Variants in RSPO2 observed in about 807,000 individuals in gnomAD.
RSPO2 encodes R-spondin 2, also known as R-spondin-2.
Under a neutral mutation model 30.9 loss-of-function variants are expected in RSPO2, and 14 were observed. That is an observed-to-expected ratio of 0.45 (90% CI 0.30 to 0.71). The LOEUF (loss-of-function observed/expected upper bound fraction) is 0.71, where lower values mean the gene tolerates loss of function less well. RSPO2 is among the 30% of genes least tolerant of loss of function. The probability of loss-of-function intolerance (pLI) is 0.08; values close to 1 mark genes in which losing one functional copy is unlikely to be tolerated. For missense variants in RSPO2, 264 were observed against 301.9 expected (o/e 0.87, Z 0.93); for synonymous variants, 107 against 96.4 (o/e 1.11, Z -0.64).
intron 5 of RSPO2, among the ~76,000 whole-genome samples, chr8:107,930,276 C>G (rs1812512410): frequency 6.6e-6 from 1 of 152,150 alleles, no homozygotes; most frequent in African/African-American, 2.4e-5. Context: ...TTACGAACCC[C>G]AAAGATTTCA....
rs948771132 is a variant in RSPO2 at position 107,960,688 on chromosome 8, G to A, written c.413C>T (p.Thr138Ile). 3 of 1,610,598 alleles carry A rather than the reference G, an allele frequency of 1.9e-6. No homozygotes were observed. Among genetic ancestry groups the A allele is most frequent in the Non-Finnish European group, 2.5e-6 (3 of 1,179,166 alleles). The change falls in exon 4 of 6, where the codon ACC becomes ATC. Residue 138 changes from threonine to isoleucine, a missense_variant. By Grantham distance (89) the Thr-to-Ile change is moderately conservative. Coordinates refer to ENST00000276659, the MANE Select transcript of RSPO2 (RefSeq NM_178565.5). ...AAACTACTCACCCACACATTCCATGGTTTCTTCTAATGGTGCAAAACCATC... is the reference window on the plus strand; with the variant it reads ...AAACTACTCACCCACACATTCCATGATTTCTTCTAATGGTGCAAAACCATC... ...CPDGFAPLEE[T>I]MECVEGCEVG...
Position 107,986,862 on chromosome 8 carries a change from T to A in RSPO2, c.283+2194A>T, listed in dbSNP as rs1255366959. Among the ~76,000 whole-genome samples, 3 of 152,334 alleles carry A rather than the reference T, an allele frequency of 2.0e-5. No individual in the cohort carries two copies. The East Asian group carries it at 5.8e-4, about 29-fold the overall frequency. ...TCTAAAGAAATCTGAACAGGAATCCTTTCCAAGGTGGAACATATCTTCCTC... is the reference window on the plus strand; with the variant it reads ...TCTAAAGAAATCTGAACAGGAATCCATTCCAAGGTGGAACATATCTTCCTC... On this transcript the variant is annotated intron_variant, in intron 3 of 5. Coordinates refer to ENST00000276659, the MANE Select transcript of RSPO2 (RefSeq NM_178565.5).
intron 2 of RSPO2, among the ~76,000 whole-genome samples, chr8:108,022,112 G>A (rs192941735): frequency 5.5e-4 from 84 of 152,156 alleles, no homozygotes; most frequent in African/African-American, 2.0e-3. Context: ...TCCAGTATGT[G>A]CTTTAGGTGG....
chr8:108,066,560 T>A (rs1346245883), intron 2 of RSPO2, among the ~76,000 whole-genome samples: 1 of 152,168 alleles, frequency 6.6e-6, no homozygotes, highest in African/African-American at 2.4e-5. Context: ...AGCACTTTAT[T>A]CACTTACATG....
chr8:108,009,202 CT>C, intron 2 of RSPO2, among the ~76,000 whole-genome samples: 1 of 151,940 alleles, frequency 6.6e-6, no homozygotes, highest in Non-Finnish European at 1.5e-5. Flanking sequence ...TGAACTTTTC[CT>C]TTGTAATATT....
At chr8:108,082,974 C>G (rs911217982) in intron 1 of RSPO2, 167 bp from the exon 2 acceptor site, 1 of 281,642 alleles carries the variant, frequency 3.6e-6, no homozygotes, top group East Asian at 6.5e-5. Flanking sequence ...CAGCTGCGGA[C>G]GAGTTGGAGA....
intron 2 of RSPO2, among the ~76,000 whole-genome samples, chr8:108,008,899 T>C (rs1810598408): frequency 6.6e-6 from 1 of 152,078 alleles, no homozygotes; most frequent in African/African-American, 2.4e-5. Flanking sequence ...GGTAAATTTT[T>C]TTTGTATAAA....
chr8:107,904,822 C>T (rs986957538), intron 5 of RSPO2, among the ~76,000 whole-genome samples: 13 of 152,060 alleles, frequency 8.5e-5, no homozygotes, highest in African/African-American at 3.1e-4. Flanking sequence ...TAGAATATCA[C>T]TGGCAAGACA....
chr8:107,901,777 TCCCC>T (rs1811478437), intron 5 of RSPO2, among the ~76,000 whole-genome samples: 2 of 152,196 alleles, frequency 1.3e-5, no homozygotes, highest in African/African-American at 4.8e-5. Flanking sequence ...CTTATCCAAA[TCCCC>T]TGGACAAGTT....
chr8:107,996,833 A>C, intron 2 of RSPO2: 1 of 402,526 alleles, frequency 2.5e-6, no homozygotes, highest in Non-Finnish European at 4.9e-6. Context: ...TTTTTAAAAA[A>C]GGTATTATTA....
chr8:107,966,078 T>G (rs1397107047), intron 3 of RSPO2, among the ~76,000 whole-genome samples: 1 of 151,764 alleles, frequency 6.6e-6, no homozygotes, highest in African/African-American at 2.4e-5. Context: ...GAAAAGGAGG[T>G]TAGGCTATGG....
intron 5 of RSPO2, among the ~76,000 whole-genome samples, chr8:107,951,042 A>AGTTTTT (rs1813224340): frequency 2.2e-4 from 12 of 55,024 alleles, no homozygotes; most frequent in Admixed American, 2.1e-3. Context: ...AGGGAGAATA[A>AGTTTTT]GTTTTTTTTT....
At chr8:107,969,776 A>T (rs530279714) in intron 3 of RSPO2, among the ~76,000 whole-genome samples, 1 of 152,210 alleles carries the variant, frequency 6.6e-6, no homozygotes, top group South Asian at 2.1e-4. Flanking sequence ...TGTAAACCAA[A>T]TTAGTATCTC....
At chr8:108,003,277 G>GTATATATATA (rs59782097) in intron 2 of RSPO2, among the ~76,000 whole-genome samples, 9 of 56,380 alleles carry the variant, frequency 1.6e-4, no homozygotes, top group Admixed American at 8.4e-4. Flanking sequence ...GTGTGTGTGT[G>GTATATATATA]TATATATATA....
chr8:108,055,336 G>A (rs1221279540), intron 2 of RSPO2, among the ~76,000 whole-genome samples: 1 of 152,122 alleles, frequency 6.6e-6, no homozygotes, highest in Non-Finnish European at 1.5e-5. Context: ...AGTTGGAGGA[G>A]GCAGAGGCAG....
intron 5 of RSPO2, among the ~76,000 whole-genome samples, chr8:107,948,152 T>C (rs1813126216): frequency 6.6e-6 from 1 of 152,272 alleles, no homozygotes; most frequent in Admixed American, 6.5e-5. Context: ...CTTTGCCTTT[T>C]ATCTTTAATG....
chr8:107,901,070 T>G lies in RSPO2; in HGVS notation c.*5A>C. On this transcript the variant is annotated 3_prime_UTR_variant, in exon 6 of 6. Coordinates refer to ENST00000276659, the MANE Select transcript of RSPO2 (RefSeq NM_178565.5). ...AACCCCTAAAAATCTACCGGATCTC[T>G]TGTTTTATTGGTTAGCTCTGTCTGT... 1 of 1,610,470 alleles carries G rather than the reference T, an allele frequency of 6.2e-7. No homozygotes were observed. The highest frequency in any genetic ancestry group is 1.7e-4 in the Middle Eastern group (1 of 6,040).
At chr8:108,032,906 C>T (rs1362459289) in intron 2 of RSPO2, among the ~76,000 whole-genome samples, 1 of 151,586 alleles carries the variant, frequency 6.6e-6, no homozygotes, top group African/African-American at 2.4e-5. Flanking sequence ...AAAAATTAGC[C>T]GGGTGTGGTG....
intron 2 of RSPO2, among the ~76,000 whole-genome samples, chr8:108,082,291 C>G (rs1813224167): frequency 6.6e-6 from 1 of 152,214 alleles, no homozygotes; most frequent in African/African-American, 2.4e-5. Context: ...ACGACTTAGC[C>G]CTGAGCGCCC....
Sources: gnomAD v4.1 joint callset for allele counts (sites outside exome capture counted in the v4.1 genomes callset) on GRCh38, gnomAD v4.1.1 for gene constraint, MANE v1.5 for transcripts, NCBI Gene and HGNC (gene_info 2026-07-23, HGNC 2026-07-21) for gene names.